IFT81: variants seen among roughly 807,000 people sequenced by gnomAD.
The protein encoded by IFT81 is intraflagellar transport 81, also known as intraflagellar transport protein 81 homolog.
A neutral mutation model predicts 102.6 loss-of-function variants in IFT81; 72 were observed. The ratio of observed to expected loss-of-function variants is 0.70; its 90% CI spans 0.58 to 0.85. IFT81 has a LOEUF of 0.85. Ranked by LOEUF, IFT81 falls within the 40% of genes least tolerant of loss-of-function variation. IFT81 has a pLI of 0.00. For missense variants in IFT81, 723 were observed against 787.3 expected (o/e 0.92, Z 0.98); for synonymous variants, 237 against 242.7 (o/e 0.98, Z 0.22).
At chr12:110,149,682 C>T (rs1237928132) in intron 10 of IFT81, among the ~76,000 whole-genome samples, 1 of 152,114 alleles carries the variant, frequency 6.6e-6, no homozygotes, top group Admixed American at 6.5e-5. Flanking sequence ...CTTCTTTGAC[C>T]ACCCTGACTC....
intron 3 of IFT81, 88 bp downstream of exon 3, chr12:110,128,237 C>A (rs530499014): frequency 1.3e-6 from 1 of 771,322 alleles, no homozygotes; most frequent in Non-Finnish European, 2.2e-6. Context: ...GTAGGTAATA[C>A]CTGGTTTCCC....
intron 11 of IFT81, among the ~76,000 whole-genome samples, chr12:110,170,721 T>C (rs1338671465): frequency 6.6e-6 from 1 of 152,164 alleles, no homozygotes; most frequent in African/African-American, 2.4e-5. Flanking sequence ...TGGTTTATGG[T>C]GTATGGGAGT....
chr12:110,132,329 G>A (rs1399227202), intron 4 of IFT81, among the ~76,000 whole-genome samples: 6 of 152,022 alleles, frequency 3.9e-5, no homozygotes, highest in South Asian at 2.1e-4. Flanking sequence ...GCGTGGTGGC[G>A]CGCGCATGTA....
chr12:110,175,189 A>C (rs1215615911), intron 11 of IFT81, among the ~76,000 whole-genome samples: 1 of 152,170 alleles, frequency 6.6e-6, no homozygotes, highest in Non-Finnish European at 1.5e-5. Flanking sequence ...CTTTTTCCTT[A>C]ATGTTCTAAG....
At chr12:110,158,964 C>T (rs1338270694) in intron 10 of IFT81, among the ~76,000 whole-genome samples, 12 of 152,088 alleles carry the variant, frequency 7.9e-5, no homozygotes, top group Non-Finnish European at 1.2e-4. Flanking sequence ...CCTCGTGATC[C>T]GCCCGCCTCA....
chr12:110,165,267 T>C (rs1027888804), intron 11 of IFT81, among the ~76,000 whole-genome samples: 1 of 152,280 alleles, frequency 6.6e-6, no homozygotes, highest in Middle Eastern at 3.4e-3. Context: ...AGAACAAATC[T>C]TGGTATACCA....
At chr12:110,149,984 G>A (rs1477179971) in intron 10 of IFT81, among the ~76,000 whole-genome samples, 1 of 152,160 alleles carries the variant, frequency 6.6e-6, no homozygotes, top group Non-Finnish European at 1.5e-5. Context: ...CAGACCTGGG[G>A]GTGGAGCCCT....
chr12:110,209,768 C>CAAAA (rs774458929), intron 18 of IFT81, among the ~76,000 whole-genome samples: 4 of 60,100 alleles, frequency 6.7e-5, no homozygotes, highest in Non-Finnish European at 1.1e-4. Context: ...TACTCCATCT[C>CAAAA]AAAAAAAAAA....
rs745791841 is a variant in IFT81 at position 110,180,557 on chromosome 12, A to G, written c.1324A>G (p.Ile442Val). The change falls in exon 12 of 19, where the codon ATT (isoleucine) becomes GTT (valine). Residue 442 changes from isoleucine to valine, a missense_variant. Ile to Val is a conservative substitution (Grantham distance 29, BLOSUM62 3). Coordinates refer to ENST00000242591, the MANE Select transcript of IFT81 (RefSeq NM_014055.4). ...EELLKQRHEN[I>V]QQQLQTMEEK... ...ACTTCTTAAGCAACGTCATGAAAAT[A>G]TTCAACAACAACTGGTAATACAGTA... The G allele has an allele frequency of 1.2e-6, 2 of 1,604,944 alleles. No homozygotes were observed. The highest frequency in any genetic ancestry group is 1.1e-5 in the South Asian group (1 of 90,024).
Position 110,205,519 on chromosome 12 carries a change from G to A in IFT81, c.1716+5G>A, listed in dbSNP as rs1195582330. 3 of 1,594,844 alleles carry A rather than the reference G, an allele frequency of 1.9e-6. No homozygotes were observed. The highest frequency in any genetic ancestry group is 2.6e-6 in the Non-Finnish European group (3 of 1,173,688). Reference sequence around the variant, plus strand: ...TATACAAATTGTATGATTAAGGTAAGACAAAGTAGATCAAAAACATTTCTG... The same window carrying A: ...TATACAAATTGTATGATTAAGGTAAAACAAAGTAGATCAAAAACATTTCTG... On this transcript the variant is annotated splice_donor_5th_base_variant and intron_variant, in intron 16 of 18. Transcript: ENST00000242591.
intron 15 of IFT81, 111 bp from the exon 16 acceptor site, chr12:110,205,332 A>G (rs754255890): frequency 3.4e-6 from 4 of 1,186,776 alleles, no homozygotes; most frequent in Non-Finnish European, 4.6e-6. Context: ...TTAAAATTGC[A>G]GAAGAGGAAA....
intron 11 of IFT81, among the ~76,000 whole-genome samples, chr12:110,174,243 A>C (rs1477312556): frequency 4.5e-5 from 6 of 134,488 alleles, no homozygotes; most frequent in Admixed American, 1.7e-4. Flanking sequence ...GCGCCACTGC[A>C]CTCCAGCCTG....
intron 11 of IFT81, among the ~76,000 whole-genome samples, chr12:110,172,581 G>A (rs1896793372): frequency 6.6e-6 from 1 of 152,174 alleles, no homozygotes; most frequent in Non-Finnish European, 1.5e-5. Context: ...TGGAGACAGG[G>A]TTTCGCTGTG....
chr12:110,132,962 TTCTC>T (rs1316429918), intron 5 of IFT81, among the ~76,000 whole-genome samples: 1 of 145,010 alleles, frequency 6.9e-6, no homozygotes, highest in Non-Finnish European at 1.5e-5. Flanking sequence ...TACTAAAGCT[TTCTC>T]TCTCTTTTTT....
chr12:110,147,069 C>T (rs1282978738), intron 10 of IFT81, 21 bp downstream of exon 10: 2 of 1,565,876 alleles, frequency 1.3e-6, no homozygotes, highest in African/African-American at 1.4e-5. Context: ...TCTTTTGGCT[C>T]ACATATTTAG....
At chr12:110,133,597 T>C (rs549859661) in intron 5 of IFT81, among the ~76,000 whole-genome samples, 1 of 152,158 alleles carries the variant, frequency 6.6e-6, no homozygotes, top group East Asian at 1.9e-4. Context: ...CACTGCACTC[T>C]AGCTGGGTGA....
chr12:110,197,076 A>G (rs12230591), intron 14 of IFT81, among the ~76,000 whole-genome samples: 8,285 of 152,022 alleles, frequency 0.054, 321 homozygotes, highest in African/African-American at 0.11. Context: ...GCACACATCT[A>G]TAGTCTTAGC....
chr12:110,189,096 T>A (rs1375861838), intron 12 of IFT81, among the ~76,000 whole-genome samples: 5 of 152,154 alleles, frequency 3.3e-5, no homozygotes, highest in Admixed American at 3.3e-4. Context: ...CACTACACTT[T>A]CCTGGTTTTT....
rs886609412 is a variant in IFT81, at chr12:110,142,171, T to C, written c.782-1211T>C. ...TAGATACTTTGTTTCTTTTTTCTTT[T>C]GTTTTTTTGAGACAGAGTCTCCCTC... is the stretch of plus-strand genomic sequence containing the variant. On this transcript the variant is annotated intron_variant, in intron 8 of 18. Transcript: ENST00000242591. Among the ~76,000 whole-genome samples the C allele has an allele frequency of 2.0e-5, 3 of 152,334 alleles. 1 individual carries two copies. Among genetic ancestry groups the C allele is most frequent in the African/African-American group, 7.2e-5 (3 of 41,580 alleles).
Sources: gnomAD v4.1 joint callset for allele counts (sites outside exome capture counted in the v4.1 genomes callset) on GRCh38, gnomAD v4.1.1 for gene constraint, MANE v1.5 for transcripts, NCBI Gene and HGNC (gene_info 2026-07-23, HGNC 2026-07-21) for gene names.